SPATA24: variants seen among roughly 807,000 people sequenced by gnomAD.
SPATA24 encodes the protein spermatogenesis-associated protein 24.
Under a neutral mutation model 28.9 loss-of-function variants are expected in SPATA24, and 21 were observed. The observed-to-expected ratio is 0.73, with a 90% confidence interval of 0.52 to 1.05. The LOEUF (loss-of-function observed/expected upper bound fraction) is 1.05, where lower values mean the gene tolerates loss of function less well. SPATA24 is among the 50% of genes least tolerant of loss of function. The pLI is 0.00. For missense variants in SPATA24, 215 were observed against 242.9 expected (o/e 0.88, Z 0.76); for synonymous variants, 76 against 89.9 (o/e 0.85, Z 0.88).
downstream of SPATA24, chr5:139,393,693 C>G: frequency 6.4e-7 from 1 of 1,551,024 alleles, no homozygotes. Flanking sequence ...CAGCAACACA[C>G]TGATTCCACT....
downstream of SPATA24, chr5:139,394,337 C>G: frequency 6.9e-7 from 1 of 1,444,082 alleles, no homozygotes; most frequent in Non-Finnish European, 9.1e-7. Flanking sequence ...TGCACGAAGC[C>G]CGCGGCGGCC....
At chr5:139,401,662 T>C (rs1758823881) in intron 4 of SPATA24, 93 bp downstream of exon 4, 1 of 1,357,738 alleles carries the variant, frequency 7.4e-7, no homozygotes, top group South Asian at 1.2e-5. Context: ...GGACAGGTGT[T>C]AGAGTGAAAC....
At position 139,396,810 on chromosome 5, in the gene SPATA24, C is replaced by T; in HGVS notation, c.608G>A (p.Arg203Lys). Residue 203 changes from arginine (R) to lysine (K), a missense_variant, in exon 6 of 6, where the codon AGG becomes AAG. Coordinates refer to ENST00000450845, the MANE Select transcript of SPATA24 (RefSeq NM_194296.2). ...AAAGCGGCGGCCATTTTATTTTTCC[C>T]TGGGATGCTGGTGGCTGCGGGCCTG... ...TRQARSHQHPREK is the reference protein window; with the variant it reads ...TRQARSHQHPKEK 6.4e-7 allele frequency: 1 copy of T among 1,551,732 alleles called. No individual in the cohort carries two copies.
At chr5:139,394,102 T>C, downstream of SPATA24, 1 of 1,549,076 alleles carries the variant, frequency 6.5e-7, no homozygotes, top group Non-Finnish European at 8.7e-7. Context: ...GGGCGCAGGC[T>C]TGTCGCGCCG....
At chr5:139,392,676 G>A (rs1758618516), downstream of SPATA24, 4 of 1,398,544 alleles carry the variant, frequency 2.9e-6, no homozygotes, top group Non-Finnish European at 3.7e-6. This position sits in a 1 kb window ranked among gnomAD's most constrained non-coding sequence, Gnocchi z 5.8. Context: ...TCTGAGGGGA[G>A]CCGGGGCGGG....
chr5:139,397,149 G>A lies in SPATA24; in HGVS notation c.386-6C>T, dbSNP rs1304857332. On this transcript the variant is annotated splice_region_variant and splice_polypyrimidine_tract_variant and intron_variant, in intron 4 of 5. Coordinates refer to ENST00000450845, the MANE Select transcript of SPATA24 (RefSeq NM_194296.2). Reference sequence around the variant, plus strand: ...TATAATGTGAGACTCAATCTCTGTGGGGGAGAGAGGCAGGGAGGAGGGGTG... The same window carrying A: ...TATAATGTGAGACTCAATCTCTGTGAGGGAGAGAGGCAGGGAGGAGGGGTG... 1 of 1,549,164 alleles carries A rather than the reference G, an allele frequency of 6.5e-7. No homozygotes were observed. Among genetic ancestry groups the A allele is most frequent in the Non-Finnish European group, 8.7e-7 (1 of 1,144,420 alleles).
At chr5:139,393,470 G>A, downstream of SPATA24, 1 of 1,551,656 alleles carries the variant, frequency 6.4e-7, no homozygotes, top group Non-Finnish European at 8.7e-7. Flanking sequence ...AACCCATTCT[G>A]AGCTTCCTGA....
At chr5:139,403,867 T>C in intron 1 of SPATA24, 77 bp downstream of exon 1, 1 of 1,264,114 alleles carries the variant, frequency 7.9e-7, no homozygotes, top group South Asian at 1.3e-5. Context: ...GGCCCCCGCA[T>C]CGGAACAGGT....
At chr5:139,403,868 C>T in intron 1 of SPATA24, 76 bp downstream of exon 1, 4 of 1,270,478 alleles carry the variant, frequency 3.1e-6, no homozygotes, top group Non-Finnish European at 3.3e-6. Context: ...GCCCCCGCAT[C>T]GGAACAGGTT....
At chr5:139,393,242 A>C (rs1036918622), downstream of SPATA24, 3 of 1,549,156 alleles carry the variant, frequency 1.9e-6, no homozygotes, top group Admixed American at 2.0e-5. Context: ...GGGCGTCCCG[A>C]GGCCGCCTCT....
chr5:139,402,086 C>A, intron 2 of SPATA24, 41 bp from the exon 3 acceptor site: 1 of 1,540,556 alleles, frequency 6.5e-7, no homozygotes, highest in South Asian at 1.2e-5. Flanking sequence ...CCTAGGCCGC[C>A]TTGGGTCTCC....
downstream of SPATA24, chr5:139,396,211 AG>A (rs1486062320): frequency 1.0e-6 from 1 of 985,204 alleles, no homozygotes; most frequent in South Asian, 4.7e-5. Context: ...ATGATCACCT[AG>A]GGGGCACTCG....
chr5:139,401,495 G>C (rs1396066211), intron 4 of SPATA24: 2 of 631,282 alleles, frequency 3.2e-6, no homozygotes, highest in Non-Finnish European at 5.7e-6. Context: ...GGACTAAGAA[G>C]GTTGTATGTT....
downstream of SPATA24, chr5:139,394,337 C>T (rs1212802942): frequency 6.9e-7 from 1 of 1,444,082 alleles, no homozygotes; most frequent in Non-Finnish European, 9.1e-7. Context: ...TGCACGAAGC[C>T]CGCGGCGGCC....
intron 4 of SPATA24, chr5:139,401,426 C>T (rs1370925294): frequency 5.0e-6 from 3 of 604,956 alleles, no homozygotes; most frequent in Admixed American, 5.8e-5. Context: ...ACAGTGCTTG[C>T]CCTGTGTTCC....
downstream of SPATA24, chr5:139,393,208 C>T (rs1231876812): frequency 3.9e-6 from 6 of 1,549,352 alleles, no homozygotes; most frequent in South Asian, 7.1e-5. Flanking sequence ...GCGCACGTCT[C>T]GAGGCCGCGG....
chr5:139,397,422 A>G (rs1758734554), intron 4 of SPATA24, among the ~76,000 whole-genome samples: 1 of 152,164 alleles, frequency 6.6e-6, no homozygotes, highest in Non-Finnish European at 1.5e-5. Context: ...AGGCCTGACC[A>G]AAGGCTGGAA....
chr5:139,403,015 G>A (rs1039382368), intron 1 of SPATA24, among the ~76,000 whole-genome samples: 2 of 152,160 alleles, frequency 1.3e-5, no homozygotes, highest in Non-Finnish European at 2.9e-5. Flanking sequence ...AATCACTTCC[G>A]GAGAAGGGGA....
intron 2 of SPATA24, 114 bp from the exon 3 acceptor site, chr5:139,402,159 T>G (rs1278165082): frequency 1.5e-6 from 2 of 1,328,594 alleles, no homozygotes; most frequent in Non-Finnish European, 2.0e-6. Flanking sequence ...ACAGGGAGAT[T>G]CTGGCCACCT....
Sources: allele counts gnomAD v4.1 joint callset (sites outside exome capture counted in the v4.1 genomes callset), GRCh38; gene constraint gnomAD v4.1.1; non-coding constraint Gnocchi (gnomAD v3.1); transcripts MANE v1.5; gene names NCBI Gene and HGNC (gene_info 2026-07-23, HGNC 2026-07-21).